Variants in MCM2 observed in about 807,000 individuals in gnomAD.
MCM2 encodes the protein DNA replication licensing factor MCM2.
In MCM2, 49 loss-of-function variants were observed where a neutral mutation model predicts 86.4. That is an observed-to-expected ratio of 0.57 (90% CI 0.45 to 0.72). The LOEUF is 0.72. Among genes scored for constraint, MCM2 ranks in the 30% least tolerant of loss-of-function variants. MCM2 has a pLI of 0.00. For missense variants in MCM2, 1,038 were observed against 1,259.9 expected (o/e 0.82, Z 2.67); for synonymous variants, 475 against 484.6 (o/e 0.98, Z 0.26).
chr3:127,606,556 G>A lies in MCM2; in HGVS notation c.894-54G>A, dbSNP rs554386437. 5.3e-6 allele frequency: 8 copies of A among 1,521,722 alleles called. No homozygotes were observed. In the Admixed American group the frequency reaches 6.7e-5, roughly 13 times the overall value. The allele number at this position is 1,521,722 out of a possible 1,614,324, so 94.3% of individuals were successfully genotyped here. A position where few individuals can be genotyped will look rare whatever the true frequency, so the allele number is the denominator to read the frequency against. ...ACAGTGTGTTGGGACACTCTCGTCT[G>A]CAGCCTGGCCTCACCCTGGCTCACG... On this transcript the variant is annotated intron_variant, in intron 5 of 15. Coordinates refer to ENST00000265056, the MANE Select transcript of MCM2 (RefSeq NM_004526.4). The surrounding 1 kb of genome is among the most constrained non-coding windows in gnomAD (Gnocchi z 4.2).
rs762581186 is a variant in MCM2, at chr3:127,619,207, C to T, written c.2194C>T (p.His732Tyr). The change falls in exon 13 of 16, where the codon CAC becomes TAC. Residue 732 changes from histidine to tyrosine, a missense_variant. Transcript: ENST00000265056. ...KYIIYAKERV[H>Y]PKLNQMDQDK... The stretch of plus-strand genomic sequence containing the variant: ...CATCATCTACGCCAAGGAGAGGGTC[C>T]ACCCGAAGCTCAACCAGATGGACCA... 4 of 1,614,182 alleles carry T rather than the reference C, an allele frequency of 2.5e-6. No homozygotes were observed. Among genetic ancestry groups the T allele is most frequent in the Non-Finnish European group, 3.4e-6 (4 of 1,180,044 alleles).
Position 127,621,742 on chromosome 3 carries a change from T to G in MCM2, c.2684T>G (p.Leu895Arg). ...LFRMNKFSHD[L>R]KRKMILQQF The stretch of plus-strand genomic sequence containing the variant: ...AGGATGAACAAGTTCAGCCACGACC[T>G]GAAAAGGAAAATGATCCTGCAGCAG... The change falls in exon 16 of 16, where the codon CTG becomes CGG. Residue 895 changes from leucine to arginine, a missense_variant. Leu to Arg is a moderately radical substitution (Grantham distance 102). This residue lies in a region of MCM2 where 336 missense variants were observed against 425.7 expected (regional missense o/e 0.79). Coordinates refer to ENST00000265056, the MANE Select transcript of MCM2 (RefSeq NM_004526.4). 1 of 1,614,016 alleles carries G rather than the reference T, an allele frequency of 6.2e-7. No individual in the cohort carries two copies. The highest frequency in any genetic ancestry group is 8.5e-7 in the Non-Finnish European group (1 of 1,179,936).
chr3:127,620,527 G>A (rs1311788776), intron 13 of MCM2, among the ~76,000 whole-genome samples, 171 bp from the exon 14 acceptor site: 1 of 152,232 alleles, frequency 6.6e-6, no homozygotes, highest in African/African-American at 2.4e-5. Flanking sequence ...CTGATTTCCA[G>A]GAGGGATAGG....
Position 127,615,925 on chromosome 3 carries a change from G to T in MCM2, c.1492G>T (p.Ala498Ser), listed in dbSNP as rs754719915. The change falls in exon 9 of 16, where the codon GCC becomes TCC. Residue 498 changes from alanine to serine, a missense_variant. By Grantham distance (99) the Ala-to-Ser change is moderately conservative. Coordinates refer to ENST00000265056, the MANE Select transcript of MCM2 (RefSeq NM_004526.4). ...AGACATCAAGAGAGGCCTGGCTCTG[G>T]CCCTGTTCGGAGGGGAGCCCAAAAA... ...HEDIKRGLAL[A>S]LFGGEPKNPG... The T allele has an allele frequency of 6.2e-7, 1 of 1,614,120 alleles. No homozygotes were observed. Among genetic ancestry groups the T allele is most frequent in the Non-Finnish European group, 8.5e-7 (1 of 1,180,012 alleles).
At chr3:127,613,932 G>A (rs1469265539) in intron 8 of MCM2, among the ~76,000 whole-genome samples, 1 of 152,200 alleles carries the variant, frequency 6.6e-6, no homozygotes, top group Admixed American at 6.5e-5. Flanking sequence ...GAGCCCAGAG[G>A]GGGCCAGACT....
chr3:127,611,682 C>CTTTTTTT lies in MCM2; in HGVS notation c.1428+2687_1428+2693dup, dbSNP rs59607211. Among the ~76,000 whole-genome samples the CTTTTTTT allele has an allele frequency of 3.9e-4, 21 of 54,284 alleles. 5 individuals are homozygous for CTTTTTTT. Among genetic ancestry groups the CTTTTTTT allele is most frequent in the East Asian group, 1.5e-3 (2 of 1,314 alleles). 35.6% of individuals were successfully genotyped at this position (54,284 alleles called of 152,430 possible). ...AAGCCCTGCAGGCTTCTGCAGCTGA[C>CTTTTTTT]TTTTTTTTTTTTTTTTTTTTTTTTT... On this transcript the variant is annotated intron_variant, in intron 8 of 15. Coordinates refer to ENST00000265056, the MANE Select transcript of MCM2 (RefSeq NM_004526.4).
rs1481054162 is a variant in MCM2, at chr3:127,618,928, G to A, written c.2014-99G>A. On this transcript the variant is annotated intron_variant, in intron 12 of 15. Coordinates refer to ENST00000265056, the MANE Select transcript of MCM2 (RefSeq NM_004526.4). This position sits in a 1 kb window ranked among gnomAD's most constrained non-coding sequence, Gnocchi z 4.0. ...GTGTAGTCAGTCTTGTTGAAAGAGT[G>A]TCACCCTTGTAGGGCACACTCAGCC... 8.3e-6 allele frequency: 11 copies of A among 1,331,948 alleles called. No homozygotes were observed. The highest frequency in any genetic ancestry group is 1.5e-5 in the African/African-American group (1 of 67,892). 82.5% of individuals were successfully genotyped at this position (1,331,948 alleles called of 1,614,324 possible). A position where few individuals can be genotyped will look rare whatever the true frequency, so the allele number is the denominator to read the frequency against.
intron 6 of MCM2, among the ~76,000 whole-genome samples, chr3:127,607,722 T>C (rs1298539462): frequency 6.6e-6 from 1 of 152,074 alleles, no homozygotes; most frequent in Non-Finnish European, 1.5e-5. Context: ...TGGTGGGTGG[T>C]TTATTACCTG....
intron 13 of MCM2, 63 bp from the exon 14 acceptor site, chr3:127,620,635 T>A: frequency 6.6e-7 from 1 of 1,508,958 alleles, no homozygotes; most frequent in Non-Finnish European, 8.9e-7. Flanking sequence ...AGAGTGCCGC[T>A]GCTTTATTTT....
intron 1 of MCM2, chr3:127,598,787 T>A: frequency 6.6e-6 from 3 of 453,114 alleles, no homozygotes; most frequent in East Asian, 3.7e-5. Flanking sequence ...ACTACACTCC[T>A]TTAAACTTTT....
intron 8 of MCM2, among the ~76,000 whole-genome samples, chr3:127,613,065 G>T (rs1319605457): frequency 6.6e-6 from 1 of 152,180 alleles, no homozygotes; most frequent in Non-Finnish European, 1.5e-5. Context: ...GGCACAGCAG[G>T]CAGTGTAGGC....
chr3:127,612,698 C>T (rs1559865108), intron 8 of MCM2, among the ~76,000 whole-genome samples: 1 of 152,104 alleles, frequency 6.6e-6, no homozygotes, highest in Non-Finnish European at 1.5e-5. Context: ...GCTTTTTCTC[C>T]GTTTGCTGGG....
chr3:127,600,821 G>C (rs2074302292), intron 2 of MCM2, among the ~76,000 whole-genome samples: 1 of 151,338 alleles, frequency 6.6e-6, no homozygotes, highest in South Asian at 2.1e-4. Flanking sequence ...GGGGCTTCTG[G>C]GTAGAGGTAT....
chr3:127,607,436 G>A (rs189614367), intron 6 of MCM2, among the ~76,000 whole-genome samples: 199 of 152,330 alleles, frequency 1.3e-3, no homozygotes, highest in African/African-American at 4.0e-3. Context: ...TCTTCTCACC[G>A]CTCTGCAGTG....
chr3:127,621,841 A>G lies in MCM2; in HGVS notation c.*68A>G. The G allele has an allele frequency of 8.3e-7, 1 of 1,200,576 alleles. No individual in the cohort carries two copies. Among genetic ancestry groups the G allele is most frequent in the Non-Finnish European group, 1.2e-6 (1 of 823,722 alleles). The allele number at this position is 1,200,576 out of a possible 1,614,324, so 74.4% of individuals were successfully genotyped here. On this transcript the variant is annotated 3_prime_UTR_variant, in exon 16 of 16. Coordinates refer to ENST00000265056, the MANE Select transcript of MCM2 (RefSeq NM_004526.4). ...GGGTGGTCAGTGCCCTCTGTGCTTT[A>G]TGGACACAAAACCAGAGCACTTGAT...
At chr3:127,598,939 C>G in intron 1 of MCM2, 1 of 349,250 alleles carries the variant, frequency 2.9e-6, no homozygotes, top group East Asian at 5.6e-5. Flanking sequence ...TATGCCATCT[C>G]TATCACAATA....
chr3:127,600,418 C>A (rs1018455443), intron 2 of MCM2, among the ~76,000 whole-genome samples: 1 of 152,166 alleles, frequency 6.6e-6, no homozygotes, highest in Non-Finnish European at 1.5e-5. Flanking sequence ...ACGTCAGTAG[C>A]GGAATTGTGT....
At chr3:127,620,625 A>C (rs2074469055) in intron 13 of MCM2, 73 bp from the exon 14 acceptor site, 1 of 1,483,136 alleles carries the variant, frequency 6.7e-7, no homozygotes, top group Admixed American at 2.1e-5. Context: ...CTGGGTGCTA[A>C]GAGTGCCGCT....
rs17538586 is a variant in MCM2 at position 127,611,921 on chromosome 3, G to T, written c.1428+2898G>T. 9.5e-3 allele frequency among the ~76,000 whole-genome samples: 1,373 copies of T among 144,418 alleles called. 107 individuals carry two copies. Among genetic ancestry groups the T allele is most frequent in the African/African-American group, 0.038 (1,331 of 34,970 alleles). 94.7% of individuals were successfully genotyped at this position (144,418 alleles called of 152,430 possible). ...TCACCGTTTTAGCCGGGATGGTCTC[G>T]ATCTCCTGACCTCGTGATCCGCCCG... On this transcript the variant is annotated intron_variant, in intron 8 of 15. Coordinates refer to ENST00000265056, the MANE Select transcript of MCM2 (RefSeq NM_004526.4).
Sources: gnomAD v4.1 joint callset for allele counts (sites outside exome capture counted in the v4.1 genomes callset) on GRCh38, gnomAD v4.1.1 for gene constraint, gnomAD v4.1.1 regional missense constraint, Gnocchi (gnomAD v3.1) non-coding constraint, MANE v1.5 for transcripts, NCBI Gene and HGNC (gene_info 2026-07-23, HGNC 2026-07-21) for gene names.